NDRG4: variants seen among roughly 807,000 people sequenced by gnomAD.
NDRG4 encodes the protein protein NDRG4.
In NDRG4, 38 loss-of-function variants were observed where a neutral mutation model predicts 55.8. That is an observed-to-expected ratio of 0.68 (90% confidence interval 0.53 to 0.89). The LOEUF (loss-of-function observed/expected upper bound fraction) is 0.89. Ranked by LOEUF, NDRG4 falls within the 40% of genes least tolerant of loss-of-function variation. The pLI, the probability that NDRG4 is intolerant of heterozygous loss-of-function variation, is 0.00. For missense variants in NDRG4, 455 were observed against 468.6 expected, an observed-to-expected ratio of 0.97 and a Z score of 0.27; for synonymous variants, 190 against 182.7, an observed-to-expected ratio of 1.04 and a Z score of -0.32.
In NDRG4 at chr16:58,509,003, C is replaced by T; in HGVS notation, c.771C>T (p.Phe257=). 1 of 1,614,132 alleles carries T rather than the reference C, an allele frequency of 6.2e-7. No homozygotes were observed. Among genetic ancestry groups the T allele is most frequent in the Non-Finnish European group, 8.5e-7 (1 of 1,180,020 alleles). The change falls in exon 11 of 15, where the codon TTC becomes TTT. Residue 257 remains phenylalanine, a synonymous_variant. Transcript: ENST00000570248. ...NSKLDPTTTT[F]LKMADSGGLP... is the part of the protein sequence containing the mutation. ...AACTGGACCCGACCACTACGACCTT[C>T]CTGAAGGTGAGGCTTTCTTCCCCAG...
intron 1 of NDRG4, among the ~76,000 whole-genome samples, chr16:58,483,864 C>T (rs1464872363): frequency 1.3e-5 from 2 of 151,966 alleles, no homozygotes; most frequent in Admixed American, 6.5e-5. Flanking sequence ...CAGGAGTTTG[C>T]GACCAGCCTG....
downstream of NDRG4, among the ~76,000 whole-genome samples, chr16:58,514,446 A>G (rs1400120760): frequency 6.6e-6 from 1 of 151,322 alleles, no homozygotes; most frequent in Non-Finnish European, 1.5e-5. Context: ...TTGCCTGAGT[A>G]ACAGACCAGG....
At position 58,504,243 on chromosome 16, in the gene NDRG4, C is replaced by T; in HGVS notation, c.217C>T (p.Gln73Ter). The T allele has an allele frequency of 1.2e-6, 2 of 1,614,170 alleles. No homozygotes were observed. The highest frequency in any genetic ancestry group is 1.7e-6 in the Non-Finnish European group (2 of 1,180,020). The change falls in exon 3 of 15, where the codon CAA becomes TAA. Residue 73 changes from glutamine (Q) to a stop codon, truncating the protein, a stop_gained. Transcript: ENST00000570248. LOFTEE classifies it high-confidence loss of function. ...GGTGTGTCACGTGGATGCCCCTGGA[C>T]AACAGGTGGGGGCGTCGCAGTTTCC... is the stretch of plus-strand genomic sequence containing the variant. ...FVVCHVDAPG[Q>*]QVGASQFPQG... is the part of the protein sequence containing the mutation.
At position 58,513,283 on chromosome 16, in the gene NDRG4, C is replaced by A. The variant is rs981547573; in HGVS notation, c.*1707C>A. Reference sequence around the variant, plus strand: ...TTTTAATGTTTATTATTTTCTTCTCCGCACAAAGTAAAGAGCCTAATTTTG... The same window carrying A: ...TTTTAATGTTTATTATTTTCTTCTCAGCACAAAGTAAAGAGCCTAATTTTG... On this transcript the variant is annotated 3_prime_UTR_variant, in exon 15 of 15. Transcript: ENST00000570248. 1 of 151,960 alleles carries A rather than the reference C, an allele frequency of 6.6e-6. No homozygotes were observed. Among genetic ancestry groups the A allele is most frequent in the South Asian group, 2.1e-4 (1 of 4,814 alleles). 9.4% of individuals were successfully genotyped at this position (151,960 alleles called of 1,614,324 possible). A position where few individuals can be genotyped will look rare whatever the true frequency, so the allele number is the denominator to read the frequency against.
upstream of NDRG4, among the ~76,000 whole-genome samples, chr16:58,498,887 C>T (rs758271843): frequency 2.0e-5 from 3 of 152,194 alleles, no homozygotes; most frequent in Non-Finnish European, 4.4e-5. Context: ...GCTGTGTGAC[C>T]TTGGGCAAGT....
rs141484990 is a variant in NDRG4, at chr16:58,506,360, C to T, written c.373-27C>T. 5.7e-4 allele frequency: 914 copies of T among 1,610,492 alleles called. 3 individuals carry two copies. Among genetic ancestry groups the T allele is most frequent in the Middle Eastern group, 2.3e-3 (14 of 6,058 alleles). On this transcript the variant is annotated intron_variant, in intron 5 of 14. Transcript: ENST00000570248. ...CCATCTGCACCCATCCTGGCCCCGCCCGGCCCTGTTTCCCCTCTTACTGCA... is the reference window on the plus strand; with the variant it reads ...CCATCTGCACCCATCCTGGCCCCGCTCGGCCCTGTTTCCCCTCTTACTGCA...
At chr16:58,470,522 A>AT (rs2032566544) in intron 1 of NDRG4, among the ~76,000 whole-genome samples, 1 of 152,196 alleles carries the variant, frequency 6.6e-6, no homozygotes, top group Admixed American at 6.5e-5. Context: ...GTGGCAAAAG[A>AT]GATTTTGTAG....
At chr16:58,500,530 A>G (rs928679717) in intron 1 of NDRG4, 10 of 554,872 alleles carry the variant, frequency 1.8e-5, no homozygotes, top group Non-Finnish European at 2.5e-5. Flanking sequence ...GGTGGGTGAC[A>G]TATCTGCAGG....
chr16:58,496,273 A>G (rs1226676328), upstream of NDRG4, among the ~76,000 whole-genome samples: 1 of 152,012 alleles, frequency 6.6e-6, no homozygotes. Flanking sequence ...CTGGCCCCTG[A>G]GCCCTCTGAG....
intron 1 of NDRG4, among the ~76,000 whole-genome samples, chr16:58,475,998 T>C (rs918496130): frequency 1.3e-5 from 2 of 152,202 alleles, no homozygotes; most frequent in Non-Finnish European, 2.9e-5. Context: ...GGTTTTGCCA[T>C]GTTGGCCAGG....
intron 10 of NDRG4, 30 bp downstream of exon 10, chr16:58,508,029 G>C (rs2038275447): frequency 1.3e-6 from 2 of 1,523,990 alleles, no homozygotes; most frequent in East Asian, 4.6e-5. Context: ...CTCACTGGGG[G>C]TGGGAGGTAG....
intron 1 of NDRG4, among the ~76,000 whole-genome samples, chr16:58,476,581 A>C (rs1178802541): frequency 6.6e-6 from 1 of 152,150 alleles, no homozygotes; most frequent in East Asian, 1.9e-4. Context: ...TCTGTTGGCA[A>C]GGGGGGCCTC....
At chr16:58,508,350 A>G (rs1364519016) in intron 10 of NDRG4, among the ~76,000 whole-genome samples, 1 of 152,184 alleles carries the variant, frequency 6.6e-6, no homozygotes, top group Non-Finnish European at 1.5e-5. Flanking sequence ...ATTATAAATC[A>G]TTAACGCATA....
At chr16:58,470,784 G>T (rs1318949777) in intron 1 of NDRG4, among the ~76,000 whole-genome samples, 6 of 151,932 alleles carry the variant, frequency 3.9e-5, no homozygotes, top group African/African-American at 1.2e-4. Context: ...GTGCGTGCCT[G>T]TAATCCCAGC....
Position 58,464,261 on chromosome 16 carries a change from G to A in NDRG4, c.-24+464G>A, listed in dbSNP as rs2031126153. ...TTTTTTTAAACCGTTTTGGAGGGGG[G>A]AGCGCGGCGTTGGGGGCGGGAGAGC... On this transcript the variant is annotated intron_variant, in intron 1 of 15. Transcript: ENST00000258187. The surrounding 1 kb of genome is among the most constrained non-coding windows in gnomAD (Gnocchi z 4.8). 2 of 474,480 alleles carry A rather than the reference G, an allele frequency of 4.2e-6. No homozygotes were observed. The highest frequency in any genetic ancestry group is 6.9e-6 in the Non-Finnish European group (2 of 288,796). 29.4% of individuals were successfully genotyped at this position (474,480 alleles called of 1,614,324 possible).
At position 58,512,011 on chromosome 16, in the gene NDRG4, C is replaced by A. The variant is rs374911710; in HGVS notation, c.*435C>A. 18 of 460,090 alleles carry A rather than the reference C, an allele frequency of 3.9e-5. No individual in the cohort carries two copies. The highest frequency in any genetic ancestry group is 2.8e-4 in the African/African-American group (14 of 50,240). The allele number at this position is 460,090 out of a possible 1,614,324, so 28.5% of individuals were successfully genotyped here. On this transcript the variant is annotated 3_prime_UTR_variant, in exon 15 of 15. Coordinates refer to ENST00000570248, the MANE Select transcript of NDRG4 (RefSeq NM_001242835.2). ...GGGAGCCCTGGGAGACCCCTTCCCC[C>A]ACCCTCCACCAAGCACACCTGTTTC...
At chr16:58,484,810 G>A (rs2034884495) in intron 1 of NDRG4, among the ~76,000 whole-genome samples, 1 of 151,848 alleles carries the variant, frequency 6.6e-6, no homozygotes, top group Admixed American at 6.6e-5. Context: ...GGAGACCTTA[G>A]CCAGGCTTCA....
At chr16:58,504,446 C>A (rs2037579269) in intron 4 of NDRG4, 25 bp downstream of exon 4, 2 of 1,612,628 alleles carry the variant, frequency 1.2e-6, no homozygotes, top group South Asian at 1.1e-5. Context: ...AGCCCCTGCG[C>A]TAGGGCCCAG....
In NDRG4 at chr16:58,471,186, CTT is replaced by C. The variant is rs528375397; in HGVS notation, c.-24+7414_-24+7415del. Among the ~76,000 whole-genome samples the C allele has an allele frequency of 5.1e-3, 339 of 67,064 alleles. 2 individuals carry two copies. The highest frequency in any genetic ancestry group is 0.017 in the African/African-American group (306 of 17,656). 44.0% of individuals were successfully genotyped at this position (67,064 alleles called of 152,430 possible). Reference sequence around the variant, plus strand: ...ACTATAAGAGAATGAATGTGTGTTGCTTTTTTTTTTTTTTTTTTTTTTTTTTG... The same window carrying C: ...ACTATAAGAGAATGAATGTGTGTTGCTTTTTTTTTTTTTTTTTTTTTTTTG... On this transcript the variant is annotated intron_variant, in intron 1 of 15. Transcript: ENST00000258187.
Sources: allele counts gnomAD v4.1 joint callset (sites outside exome capture counted in the v4.1 genomes callset), GRCh38; gene constraint gnomAD v4.1.1; non-coding constraint Gnocchi (gnomAD v3.1); transcripts MANE v1.5; gene names NCBI Gene and HGNC (gene_info 2026-07-23, HGNC 2026-07-21).